Variants in INPP5F observed in about 807,000 individuals in gnomAD.
INPP5F encodes inositol polyphosphate-5-phosphatase F.
INPP5F carries 97 observed loss-of-function variants against 137.2 expected under a neutral mutation model. The ratio of observed to expected loss-of-function variants is 0.71; its 90% confidence interval spans 0.60 to 0.84. The LOEUF (loss-of-function observed/expected upper bound fraction) is 0.84, where lower values mean the gene tolerates loss of function less well. INPP5F is among the 40% of genes least tolerant of loss of function. The pLI, the probability that INPP5F is intolerant of heterozygous loss-of-function variation, is 0.00. For synonymous variants in INPP5F, 504 were observed against 476.9 expected (o/e 1.06, Z -0.74); for missense variants, 1,271 against 1,371.9 (o/e 0.93, Z 1.16).
chr10:119,730,924 A>G (rs1848044605), intron 1 of INPP5F, among the ~76,000 whole-genome samples: 3 of 151,954 alleles, frequency 2.0e-5, no homozygotes, highest in African/African-American at 7.3e-5. Context: ...AGTAGCTGGG[A>G]CTACAGGCAC....
intron 2 of INPP5F, among the ~76,000 whole-genome samples, chr10:119,755,033 T>G (rs1370429901): frequency 6.6e-6 from 1 of 152,230 alleles, no homozygotes; most frequent in Non-Finnish European, 1.5e-5. Context: ...ATTTTTCTTC[T>G]CACCTAGGGA....
chr10:119,763,670 T>A (rs1849070960), intron 2 of INPP5F, among the ~76,000 whole-genome samples: 1 of 152,218 alleles, frequency 6.6e-6, no homozygotes, highest in Non-Finnish European at 1.5e-5. Flanking sequence ...TGTAGTGTTT[T>A]CCCCTGAACG....
intron 15 of INPP5F, chr10:119,815,576 A>C: frequency 4.2e-6 from 1 of 235,342 alleles, no homozygotes; most frequent in Non-Finnish European, 9.0e-6. Flanking sequence ...TGATGTGTAA[A>C]CCAGTGTCTG....
intron 15 of INPP5F, chr10:119,815,176 TATTG>T (rs1263935301): frequency 6.6e-6 from 1 of 152,458 alleles, no homozygotes; most frequent in East Asian, 1.9e-4. Context: ...TCTACTTCTT[TATTG>T]TTTTGGGATA....
intron 1 of INPP5F, among the ~76,000 whole-genome samples, chr10:119,742,152 C>T (rs1018449521): frequency 6.7e-6 from 1 of 150,104 alleles, no homozygotes; most frequent in Non-Finnish European, 1.5e-5. Context: ...TGTTATTTTA[C>T]TTATTTATTT....
intron 7 of INPP5F, 128 bp from the exon 8 acceptor site, chr10:119,797,330 TCTG>T: frequency 1.4e-6 from 1 of 702,256 alleles, no homozygotes; most frequent in Non-Finnish European, 2.4e-6. Flanking sequence ...TTGATACTGT[TCTG>T]CTTGGCAGTT....
chr10:119,794,607 C>T (rs11199091), intron 6 of INPP5F, among the ~76,000 whole-genome samples: 2 of 151,442 alleles, frequency 1.3e-5, no homozygotes, highest in East Asian at 4.0e-4. Flanking sequence ...CGGGCAAAGG[C>T]GCCCCTCACC....
At chr10:119,817,367 G>A (rs1851317415) in intron 15 of INPP5F, among the ~76,000 whole-genome samples, 1 of 152,192 alleles carries the variant, frequency 6.6e-6, no homozygotes, top group Admixed American at 6.5e-5. Context: ...CAGATTATCT[G>A]ATAATCCTGT....
chr10:119,773,599 T>C (rs1357033335), intron 2 of INPP5F, among the ~76,000 whole-genome samples: 1 of 152,260 alleles, frequency 6.6e-6, no homozygotes, highest in African/African-American at 2.4e-5. Context: ...TATGAGATGC[T>C]CATTTTTACA....
In INPP5F at chr10:119,738,382, A is replaced by G. The variant is rs140576356; in HGVS notation, c.97+12023A>G. On this transcript the variant is annotated intron_variant, in intron 1 of 19. Coordinates refer to ENST00000650623, the MANE Select transcript of INPP5F (RefSeq NM_014937.4). ...TTAGAGTATACCTTCTGAAGGAAAG[A>G]TTAGAAAACAATACATTTGTTGGAT... Among the ~76,000 whole-genome samples, 14 of 152,298 alleles carry G rather than the reference A, an allele frequency of 9.2e-5. No individual in the cohort carries two copies. The East Asian group carries it at 2.5e-3, about 27-fold the overall frequency.
chr10:119,785,575 A>T (rs865948278), intron 3 of INPP5F, among the ~76,000 whole-genome samples: 3 of 150,448 alleles, frequency 2.0e-5, no homozygotes, highest in East Asian at 2.0e-4. Context: ...AGAGAGAGAG[A>T]GAGACTGAGA....
At chr10:119,752,765 G>C (rs529340489) in intron 2 of INPP5F, among the ~76,000 whole-genome samples, 14 of 151,928 alleles carry the variant, frequency 9.2e-5, no homozygotes, top group Admixed American at 3.9e-4. Context: ...GTTGCTAAGG[G>C]TTGTATTTTG....
chr10:119,731,331 T>TA (rs71482611), intron 1 of INPP5F, among the ~76,000 whole-genome samples: 13,450 of 144,142 alleles, frequency 0.093, 767 homozygotes, highest in South Asian at 0.24. Flanking sequence ...GGTATTTACT[T>TA]AAAAAAAAAA....
intron 15 of INPP5F, among the ~76,000 whole-genome samples, chr10:119,814,878 T>C (rs1184918409): frequency 6.6e-6 from 1 of 152,200 alleles, no homozygotes; most frequent in Non-Finnish European, 1.5e-5. Flanking sequence ...TTTTTTTGTT[T>C]TTTTTTGGAC....
chr10:119,769,727 T>G (rs572893677), intron 2 of INPP5F, among the ~76,000 whole-genome samples: 2 of 152,306 alleles, frequency 1.3e-5, no homozygotes, highest in Middle Eastern at 6.8e-3. Flanking sequence ...CGGACTCAGA[T>G]TGGGGCTTAA....
At chr10:119,797,440 T>C (rs766220988) in intron 7 of INPP5F, 21 bp from the exon 8 acceptor site, 2 of 1,571,918 alleles carry the variant, frequency 1.3e-6, no homozygotes, top group Non-Finnish European at 1.7e-6. Context: ...GTTGCTGTTT[T>C]CTGTTTTAAT....
chr10:119,814,426 C>G (rs1476142403), intron 15 of INPP5F: 1 of 152,024 alleles, frequency 6.6e-6, no homozygotes, highest in African/African-American at 2.4e-5. Flanking sequence ...AATAAAAGTT[C>G]CCAATGAAGA....
chr10:119,785,713 G>A (rs1316693563), intron 3 of INPP5F, among the ~76,000 whole-genome samples: 1 of 152,052 alleles, frequency 6.6e-6, no homozygotes, highest in Non-Finnish European at 1.5e-5. Context: ...TTAAAAATTA[G>A]CTGGGCATAT....
intron 1 of INPP5F, among the ~76,000 whole-genome samples, chr10:119,736,864 G>A (rs1848228922): frequency 6.6e-6 from 1 of 152,158 alleles, no homozygotes; most frequent in Admixed American, 6.5e-5. Context: ...ACAGGGTCTT[G>A]CTCTGCCACC....
Sources: allele counts gnomAD v4.1 joint callset (sites outside exome capture counted in the v4.1 genomes callset), GRCh38; gene constraint gnomAD v4.1.1; transcripts MANE v1.5; gene names NCBI Gene and HGNC (gene_info 2026-07-23, HGNC 2026-07-21).